Variants in ANKS1B observed in about 807,000 individuals in gnomAD.
ANKS1B encodes ankyrin repeat and sterile alpha motif domain-containing protein 1B.
A neutral mutation model predicts 148.3 loss-of-function variants in ANKS1B; 36 were observed. The ratio of observed to expected loss-of-function variants is 0.24; its 90% CI spans 0.19 to 0.32. The LOEUF is 0.32. Among genes scored for constraint, ANKS1B ranks in the 10% least tolerant of loss-of-function variants. The pLI is 1.00. For missense variants in ANKS1B, 1,157 were observed against 1,542.6 expected (o/e 0.75, Z 4.19); for synonymous variants, 542 against 560.8 (o/e 0.97, Z 0.47).
At chr12:99,808,374 G>A (rs1320483054) in intron 3 of ANKS1B, among the ~76,000 whole-genome samples, 1 of 152,006 alleles carries the variant, frequency 6.6e-6, no homozygotes, top group East Asian at 1.9e-4. Flanking sequence ...ACTAGGAAAG[G>A]CTTCTTACTA....
At chr12:99,180,636 T>TG (rs1176628389) in intron 14 of ANKS1B, among the ~76,000 whole-genome samples, 4 of 151,620 alleles carry the variant, frequency 2.6e-5, no homozygotes, top group African/African-American at 9.7e-5. Context: ...GTTTTTTTTT[T>TG]TTTTTTTTTT....
chr12:99,692,406 C>T (rs2053227178), intron 8 of ANKS1B, among the ~76,000 whole-genome samples: 1 of 152,114 alleles, frequency 6.6e-6, no homozygotes, highest in African/African-American at 2.4e-5. Context: ...CGCAGTGGCT[C>T]ATGCCTGTAA....
chr12:99,298,531 G>A (rs2154018425), intron 12 of ANKS1B, among the ~76,000 whole-genome samples: 1 of 152,278 alleles, frequency 6.6e-6, no homozygotes, highest in Middle Eastern at 3.4e-3. Context: ...AAATTACCCA[G>A]TCTTGGGTAT....
At chr12:99,399,515 TG>T in intron 12 of ANKS1B, 115 bp downstream of exon 12, 1 of 1,062,612 alleles carries the variant, frequency 9.4e-7, no homozygotes, top group Non-Finnish European at 1.4e-6. Flanking sequence ...TTGCCACACA[TG>T]GAGGTGAACT....
intron 8 of ANKS1B, among the ~76,000 whole-genome samples, chr12:99,678,623 T>C (rs1276815545): frequency 6.6e-6 from 1 of 152,150 alleles, no homozygotes; most frequent in East Asian, 1.9e-4. Flanking sequence ...CTAAGTACAA[T>C]CCATCCCTGA....
rs964909010 is a variant in ANKS1B at position 98,778,248 on chromosome 12, G to A, written c.3441+2869C>T. 3.3e-5 allele frequency among the ~76,000 whole-genome samples: 5 copies of A among 152,084 alleles called. No homozygotes were observed. In the South Asian group the frequency reaches 8.3e-4, roughly 25 times the overall value. Reference sequence around the variant, plus strand: ...TCCCAGCACTTTGGGAGGCTGAGGCGGATGATTACCTGAGGTCAGGAGTTC... The same window carrying A: ...TCCCAGCACTTTGGGAGGCTGAGGCAGATGATTACCTGAGGTCAGGAGTTC... On this transcript the variant is annotated intron_variant, in intron 24 of 26. Coordinates refer to ENST00000683438, the MANE Select transcript of ANKS1B (RefSeq NM_001352186.2).
chr12:99,554,625 G>A (rs919586385), intron 9 of ANKS1B, among the ~76,000 whole-genome samples: 1 of 152,200 alleles, frequency 6.6e-6, no homozygotes, highest in African/African-American at 2.4e-5. Flanking sequence ...AATCCATGAA[G>A]AAAAGAAGCT....
chr12:99,615,016 C>T (rs771009724), intron 9 of ANKS1B, among the ~76,000 whole-genome samples: 18 of 150,844 alleles, frequency 1.2e-4, no homozygotes, highest in Admixed American at 2.7e-4. Context: ...TTACTTCTTA[C>T]GCAATGATTC....
intron 17 of ANKS1B, among the ~76,000 whole-genome samples, chr12:98,879,751 T>C (rs2099701833): frequency 6.6e-6 from 1 of 152,224 alleles, no homozygotes. Context: ...TACAGATAAT[T>C]ATATTTAGGC....
In ANKS1B at chr12:99,288,956, A is replaced by G. The variant is rs187482746; in HGVS notation, c.1757-42092T>C. On this transcript the variant is annotated intron_variant, in intron 12 of 26. Transcript: ENST00000683438. The stretch of plus-strand genomic sequence containing the variant: ...ACTGAACTTTCCAATCAAAAGACAT[A>G]GAGTGGCTGAATGGATGAAAAAGCA... Among the ~76,000 whole-genome samples, 4 of 152,198 alleles carry G rather than the reference A, an allele frequency of 2.6e-5. No individual in the cohort carries two copies. In the East Asian group the frequency reaches 7.7e-4, roughly 29 times the overall value.
chr12:99,572,128 G>A (rs1413546503), intron 9 of ANKS1B, among the ~76,000 whole-genome samples: 1 of 151,926 alleles, frequency 6.6e-6, no homozygotes, highest in Non-Finnish European at 1.5e-5. Flanking sequence ...TCACATCTTG[G>A]CTCTCAGTTT....
chr12:99,646,715 GTGTT>G (rs1278727131), intron 9 of ANKS1B, among the ~76,000 whole-genome samples: 1 of 148,870 alleles, frequency 6.7e-6, no homozygotes, highest in Non-Finnish European at 1.5e-5. Context: ...GTGTGTGTGT[GTGTT>G]TGTGTTCACA....
intron 12 of ANKS1B, among the ~76,000 whole-genome samples, chr12:99,289,820 A>G (rs1470395333): frequency 1.3e-5 from 2 of 151,996 alleles, no homozygotes; most frequent in Non-Finnish European, 2.9e-5. Flanking sequence ...AAAAAAGTAG[A>G]AAAACTTTAT....
At chr12:98,843,765 G>A (rs1033118532) in intron 17 of ANKS1B, among the ~76,000 whole-genome samples, 1 of 152,220 alleles carries the variant, frequency 6.6e-6, no homozygotes, top group East Asian at 1.9e-4. Context: ...AGCTTTGGCA[G>A]CAGCATGGGG....
Position 98,807,863 on chromosome 12 carries a change from G to T in ANKS1B, c.3122C>A (p.Ala1041Glu). 6.2e-7 allele frequency: 1 copy of T among 1,613,220 alleles called. No homozygotes were observed. Among genetic ancestry groups the T allele is most frequent in the Non-Finnish European group, 8.5e-7 (1 of 1,179,548 alleles). ...CCTTACATTATGAACCTGATGGATC[G>T]CTGAGAAAGGAAATCCTGCGTTCTG... ...TNQNAGFPFS[A>E]IHQVHNTGDW... Residue 1041 changes from alanine to glutamate, a missense_variant, in exon 20 of 27, where the codon GCG becomes GAG. Coordinates refer to ENST00000683438, the MANE Select transcript of ANKS1B (RefSeq NM_001352186.2).
Position 99,655,089 on chromosome 12 carries a change from A to G in ANKS1B, c.1250T>C (p.Leu417Pro), listed in dbSNP as rs778070131. Residue 417 changes from leucine (L) to proline (P), a missense_variant, in exon 9 of 27, where the codon CTT (leucine) becomes CCT (proline). Leu to Pro is a moderately conservative substitution (Grantham distance 98, BLOSUM62 -3). Around this residue, in one of 6 missense-constraint regions of ANKS1B, gnomAD observed 661 missense variants for 642.1 expected, o/e 1.03. Coordinates refer to ENST00000683438, the MANE Select transcript of ANKS1B (RefSeq NM_001352186.2). Reference sequence around the variant, plus strand: ...TACCTGGGCAAGCATGGGGAAGCCAAGGTTCCTACATCCATTACACGGAGT... The same window carrying G: ...TACCTGGGCAAGCATGGGGAAGCCAGGGTTCCTACATCCATTACACGGAGT... ...ALTPCNGCRN[L>P]GFPMLAQESY... 20 of 1,596,684 alleles carry G rather than the reference A, an allele frequency of 1.3e-5. No individual in the cohort carries two copies. Among genetic ancestry groups the G allele is most frequent in the Admixed American group, 1.7e-5 (1 of 59,386 alleles).
At chr12:99,719,197 A>G (rs59214580) in intron 8 of ANKS1B, among the ~76,000 whole-genome samples, 2,562 of 152,108 alleles carry the variant, frequency 0.017, 67 homozygotes, top group African/African-American at 0.059. Flanking sequence ...ATCACAAACT[A>G]TGCTCAACTC....
intron 19 of ANKS1B, among the ~76,000 whole-genome samples, chr12:98,809,309 G>A (rs1446449891): frequency 2.0e-5 from 3 of 152,132 alleles, no homozygotes; most frequent in African/African-American, 7.2e-5. Context: ...TCACTCTGTT[G>A]GCCTTGTCTC....
intron 25 of ANKS1B, among the ~76,000 whole-genome samples, chr12:98,757,145 G>A (rs188501301): frequency 1.3e-5 from 2 of 152,292 alleles, no homozygotes; most frequent in East Asian, 3.9e-4. Flanking sequence ...CAGGAACAAC[G>A]GTTTCAGCCA....
Sources: gnomAD v4.1 joint callset for allele counts (sites outside exome capture counted in the v4.1 genomes callset) on GRCh38, gnomAD v4.1.1 for gene constraint, gnomAD v4.1.1 regional missense constraint, MANE v1.5 for transcripts, NCBI Gene and HGNC (gene_info 2026-07-23, HGNC 2026-07-21) for gene names.